The following PKHD1L1 variants were observed in gnomAD, a reference collection of about 807,000 sequenced individuals.
PKHD1L1 encodes fibrocystin-L.
PKHD1L1 carries 434 observed loss-of-function variants against 462.9 expected under a neutral mutation model. The observed-to-expected ratio is 0.94, with a 90% confidence interval of 0.87 to 1.02. PKHD1L1 has a LOEUF of 1.02. PKHD1L1 is among the 50% of genes least tolerant of loss of function. The probability of loss-of-function intolerance (pLI) is 0.00; values close to 1 mark genes in which losing one functional copy is unlikely to be tolerated. For synonymous variants in PKHD1L1, 1,781 were observed against 1,750.0 expected, an observed-to-expected ratio of 1.02 and a Z score of -0.44; for missense variants, 5,202 against 5,096.1, an observed-to-expected ratio of 1.02 and a Z score of -0.63.
intron 40 of PKHD1L1, 37 bp downstream of exon 40, chr8:109,449,524 A>G (rs780653166): frequency 1.7e-5 from 25 of 1,510,610 alleles, no homozygotes; most frequent in Non-Finnish European, 2.1e-5. Flanking sequence ...GTCTTTGAGA[A>G]CTAGTTAATT....
At position 109,528,913 on chromosome 8, in the gene PKHD1L1, C is replaced by T. The variant is rs1324750570; in HGVS notation, c.12722-1167C>T. ...GGTATTGTGGGCAAATTGTAAAGAG[C>T]TTTGATTGGAACATATTAATCAGTT... On this transcript the variant is annotated intron_variant, in intron 77 of 77. Coordinates refer to ENST00000378402, the MANE Select transcript of PKHD1L1 (RefSeq NM_177531.6). Among the ~76,000 whole-genome samples the T allele has an allele frequency of 2.6e-5, 4 of 152,012 alleles. No individual in the cohort carries two copies. In the East Asian group the frequency reaches 7.7e-4, roughly 29 times the overall value.
chr8:109,520,792 A>C (rs895775279), intron 73 of PKHD1L1, among the ~76,000 whole-genome samples: 1 of 152,148 alleles, frequency 6.6e-6, no homozygotes, highest in African/African-American at 2.4e-5. Context: ...TCCTACAGCC[A>C]GGAATAAGAG....
chr8:109,410,729 T>TTTTTTTTTTTTTTTTGTTTTTTTTTTTTA (rs1586454677), intron 19 of PKHD1L1, among the ~76,000 whole-genome samples: 1 of 58,912 alleles, frequency 1.7e-5, no homozygotes, highest in Admixed American at 1.7e-4. Context: ...TCTTTTTCTT[T>TTTTTTTTTTTTTTTTGTTTTTTTTTTTTA]TTTTTTTTTT....
intron 70 of PKHD1L1, among the ~76,000 whole-genome samples, chr8:109,509,129 A>T (rs1819847053): frequency 6.6e-6 from 1 of 152,078 alleles, no homozygotes; most frequent in South Asian, 2.1e-4. Context: ...AGAATGAACT[A>T]AATCAGGAGT....
In PKHD1L1 at chr8:109,508,053, G is replaced by A. The variant is rs1819785438; in HGVS notation, c.11228-44G>A. The A allele has an allele frequency of 1.9e-6, 3 of 1,538,706 alleles. No individual in the cohort carries two copies. The African/African-American group carries it at 4.2e-5, about 21-fold the overall frequency. The stretch of plus-strand genomic sequence containing the variant: ...GATGTTATAAGGATTTTTTTGCAAA[G>A]AGATTCTGTATTATTGCTAAAATAT... On this transcript the variant is annotated intron_variant, in intron 69 of 77. Transcript: ENST00000378402.
intron 67 of PKHD1L1, among the ~76,000 whole-genome samples, chr8:109,500,520 C>CAAAAA (rs542817713): frequency 2.3e-5 from 1 of 43,702 alleles, no homozygotes; most frequent in Non-Finnish European, 5.0e-5. Flanking sequence ...ACTAAAAATA[C>CAAAAA]AAAAAAAAAA....
intron 6 of PKHD1L1, among the ~76,000 whole-genome samples, chr8:109,388,244 C>T (rs1812532271): frequency 6.6e-6 from 1 of 152,054 alleles, no homozygotes; most frequent in Non-Finnish European, 1.5e-5. Context: ...TCATCTTTCC[C>T]AGTTAAAATG....
rs953092401 is a variant in PKHD1L1, at chr8:109,530,290, A to T, written c.*200A>T. On this transcript the variant is annotated 3_prime_UTR_variant, in exon 78 of 78. Coordinates refer to ENST00000378402, the MANE Select transcript of PKHD1L1 (RefSeq NM_177531.6). ...ATTTGTTTTGATTCTTTATATTTAT[A>T]TGTTTTTATTTCATTTCAATAAACT... is the stretch of plus-strand genomic sequence containing the variant. 1.3e-5 allele frequency: 4 copies of T among 302,818 alleles called. No individual in the cohort carries two copies. Among genetic ancestry groups the T allele is most frequent in the African/African-American group, 2.2e-5 (1 of 45,244 alleles). 18.8% of individuals were successfully genotyped at this position (302,818 alleles called of 1,614,324 possible).
In PKHD1L1 at chr8:109,425,193, G is replaced by A. The variant is rs914655101; in HGVS notation, c.2806G>A (p.Gly936Ser). The A allele has an allele frequency of 3.7e-6, 6 of 1,606,210 alleles. No homozygotes were observed. The highest frequency in any genetic ancestry group is 5.1e-6 in the Non-Finnish European group (6 of 1,177,262). The change falls in exon 24 of 78, where the codon GGC becomes AGC. Residue 936 changes from glycine to serine, a missense_variant. Physicochemically the swap from Gly to Ser is moderately conservative, Grantham distance 56. This residue lies in a region of PKHD1L1 where 4,497 missense variants were observed against 4,336.8 expected (regional missense o/e 1.04). Transcript: ENST00000378402. ...TCAAGCTGCATCTCCACCTCTAAGT[G>A]GCAGCTTTGACATTCAAGCTTATGG... The part of the protein sequence containing the change: ...RIQAASPPLS[G>S]SFDIQAYGHI...
At position 109,464,867 on chromosome 8, in the gene PKHD1L1, T is replaced by C. The variant is rs754090791; in HGVS notation, c.8035T>C (p.Tyr2679His). Reference protein sequence around the residue: ...QFHNFVMVNNYEAGIETKRIL... With the variant: ...QFHNFVMVNNHEAGIETKRIL... ...CCATAACTTTGTGATGGTGAATAAC[T>C]ATGAGGCTGGAATTGAGACTAAGAG... Residue 2679 changes from tyrosine (Y) to histidine (H), a missense_variant, in exon 49 of 78, where the codon TAT (tyrosine) becomes CAT (histidine). By Grantham distance (83) the Tyr-to-His change is moderately conservative. This residue lies in a region of PKHD1L1 where 4,497 missense variants were observed against 4,336.8 expected (regional missense o/e 1.04). Coordinates refer to ENST00000378402, the MANE Select transcript of PKHD1L1 (RefSeq NM_177531.6). 2 of 1,613,800 alleles carry C rather than the reference T, an allele frequency of 1.2e-6. No homozygotes were observed. The highest frequency in any genetic ancestry group is 1.7e-5 in the Admixed American group (1 of 59,962).
rs1813202866 is a variant in PKHD1L1, at chr8:109,400,226, T to C, written c.1163T>C (p.Phe388Ser). Residue 388 changes from phenylalanine to serine, a missense_variant, in exon 13 of 78, where the codon TTT becomes TCT. Phe to Ser is a radical substitution (Grantham distance 155). Transcript: ENST00000378402. ...ATTTGGCTCATGGAACAAGACACAT[T>C]TGTTGCACGCTTTAGTGGATTTTTG... ...SYIWLMEQDT[F>S]VARFSGFLVA... is the part of the protein sequence containing the mutation. 6.2e-7 allele frequency: 1 copy of C among 1,613,666 alleles called. No homozygotes were observed. Among genetic ancestry groups the C allele is most frequent in the Non-Finnish European group, 8.5e-7 (1 of 1,179,684 alleles).
rs1817010983 is a variant in PKHD1L1, at chr8:109,459,705, C to T, written c.7115C>T (p.Thr2372Ile). Reference protein sequence around the residue: ...LNYTHLGITVTLPDGTLFEAR... With the variant: ...LNYTHLGITVILPDGTLFEAR... ...TACACACACTTAGGAATTACGGTCA[C>T]ACTCCCTGATGGAACTCTGTTTGAA... The change falls in exon 47 of 78, where the codon ACA becomes ATA. Residue 2372 changes from threonine (T) to isoleucine (I), a missense_variant. Thr to Ile is a moderately conservative substitution (Grantham distance 89). Transcript: ENST00000378402. 2 of 1,611,992 alleles carry T rather than the reference C, an allele frequency of 1.2e-6. No homozygotes were observed. Among genetic ancestry groups the T allele is most frequent in the Non-Finnish European group, 1.7e-6 (2 of 1,178,846 alleles).
chr8:109,492,186 C>T (rs2607631), intron 62 of PKHD1L1, among the ~76,000 whole-genome samples, 192 bp downstream of exon 62: 59,178 of 150,368 alleles, frequency 0.39, 11,803 homozygotes, highest in South Asian at 0.57. Flanking sequence ...CATTTCTTTT[C>T]CAACATTATT....
intron 40 of PKHD1L1, among the ~76,000 whole-genome samples, chr8:109,450,396 C>T (rs1008931617): frequency 2.6e-5 from 4 of 152,070 alleles, no homozygotes; most frequent in Non-Finnish European, 5.9e-5. Context: ...ACTTCCTTAA[C>T]AAAGAATATT....
In PKHD1L1 at chr8:109,390,441, T is replaced by C. The variant is rs763412083; in HGVS notation, c.698-11T>C. ...GAATTTAATTGATTGTGTATTTTCATTAAATTCCAGGTCATCACAATGTCA... is the reference window on the plus strand; with the variant it reads ...GAATTTAATTGATTGTGTATTTTCACTAAATTCCAGGTCATCACAATGTCA... On this transcript the variant is annotated splice_polypyrimidine_tract_variant and intron_variant, in intron 8 of 77. Transcript: ENST00000378402. 5 of 1,408,244 alleles carry C rather than the reference T, an allele frequency of 3.6e-6. No homozygotes were observed. In the South Asian group the frequency reaches 6.1e-5, roughly 17 times the overall value. The allele number at this position is 1,408,244 out of a possible 1,614,324, so 87.2% of individuals were successfully genotyped here.
intron 73 of PKHD1L1, 99 bp downstream of exon 73, chr8:109,518,607 C>A: frequency 1.0e-6 from 1 of 969,702 alleles, no homozygotes; most frequent in South Asian, 1.8e-5. Flanking sequence ...TCAGGAAATC[C>A]CATCAACCCC....
intron 48 of PKHD1L1, among the ~76,000 whole-genome samples, chr8:109,462,382 C>G (rs1203924827): frequency 2.0e-5 from 3 of 152,128 alleles, no homozygotes; most frequent in African/African-American, 7.2e-5. Context: ...AGGTCCAAGT[C>G]CATCCCATAG....
At chr8:109,416,556 CTT>C (rs1814181370) in intron 21 of PKHD1L1, among the ~76,000 whole-genome samples, 2 of 152,050 alleles carry the variant, frequency 1.3e-5, no homozygotes, top group African/African-American at 4.8e-5. Flanking sequence ...AAATATATGC[CTT>C]TGAGGCCATT....
At chr8:109,448,851 T>C (rs1816319578) in intron 39 of PKHD1L1, among the ~76,000 whole-genome samples, 1 of 152,148 alleles carries the variant, frequency 6.6e-6, no homozygotes, top group South Asian at 2.1e-4. Flanking sequence ...GTATGATTAA[T>C]TTACTTAAAA....
Sources: gnomAD v4.1 joint callset for allele counts (sites outside exome capture counted in the v4.1 genomes callset) on GRCh38, gnomAD v4.1.1 for gene constraint, gnomAD v4.1.1 regional missense constraint, MANE v1.5 for transcripts, NCBI Gene and HGNC (gene_info 2026-07-23, HGNC 2026-07-21) for gene names.